The following PLCB1 variants were observed in gnomAD, a reference collection of about 807,000 sequenced individuals.
PLCB1 encodes phospholipase C beta 1.
In PLCB1, 46 loss-of-function variants were observed where a neutral mutation model predicts 161.8. The observed-to-expected ratio is 0.28, with a 90% CI of 0.22 to 0.36. The LOEUF (loss-of-function observed/expected upper bound fraction) is 0.36, where lower values mean the gene tolerates loss of function less well. Among genes scored for constraint, PLCB1 ranks in the 10% least tolerant of loss-of-function variants. The probability of loss-of-function intolerance (pLI) is 1.00; values close to 1 mark genes in which losing one functional copy is unlikely to be tolerated. For missense variants in PLCB1, 1,016 were observed against 1,472.5 expected (o/e 0.69, Z 5.07); for synonymous variants, 517 against 503.7 (o/e 1.03, Z -0.35).
intron 2 of PLCB1, among the ~76,000 whole-genome samples, chr20:8,237,068 C>T (rs983428714): frequency 2.6e-5 from 4 of 152,006 alleles, no homozygotes; most frequent in Non-Finnish European, 5.9e-5. Context: ...ATATTTATCA[C>T]AAGCATGAAA....
intron 2 of PLCB1, among the ~76,000 whole-genome samples, chr20:8,293,187 G>GT (rs1983464486): frequency 6.6e-6 from 1 of 152,070 alleles, no homozygotes; most frequent in South Asian, 2.1e-4. Context: ...GTTTTGCTTG[G>GT]TAGCTTGCAT....
At position 8,529,587 on chromosome 20, in the gene PLCB1, A is replaced by G. The variant is rs1484225859; in HGVS notation, c.247-98707A>G. On this transcript the variant is annotated intron_variant, in intron 3 of 31. Transcript: ENST00000338037. ...GGGTTTGAAGGAATGAGAACTGGGT[A>G]GTTGTGTTGCTGGTCATTTTAACGT... Among the ~76,000 whole-genome samples the G allele has an allele frequency of 2.6e-5, 4 of 151,834 alleles. No homozygotes were observed. In the Admixed American group the frequency reaches 2.6e-4, roughly 10 times the overall value.
At chr20:8,158,220 C>T (rs563801360) in intron 2 of PLCB1, among the ~76,000 whole-genome samples, 105 of 152,276 alleles carry the variant, frequency 6.9e-4, no homozygotes, top group African/African-American at 2.3e-3. Context: ...CAAATAGAAT[C>T]CCCGGGTACT....
chr20:8,316,697 A>G (rs1984671460), intron 2 of PLCB1, among the ~76,000 whole-genome samples: 1 of 152,152 alleles, frequency 6.6e-6, no homozygotes, highest in Non-Finnish European at 1.5e-5. Flanking sequence ...CAGTGATATA[A>G]CTGCCATGAC....
intron 10 of PLCB1, among the ~76,000 whole-genome samples, chr20:8,695,590 T>G (rs1990567582): frequency 6.6e-6 from 1 of 152,220 alleles, no homozygotes; most frequent in East Asian, 1.9e-4. Flanking sequence ...TGGTCCCAGT[T>G]ACTTAGGAGG....
At chr20:8,205,392 A>G (rs1978471486) in intron 2 of PLCB1, among the ~76,000 whole-genome samples, 1 of 152,218 alleles carries the variant, frequency 6.6e-6, no homozygotes, top group Admixed American at 6.5e-5. Flanking sequence ...ATTTATTGAA[A>G]ACACTGAGAA....
intron 9 of PLCB1, among the ~76,000 whole-genome samples, chr20:8,668,833 T>C (rs1989878479): frequency 1.3e-5 from 2 of 152,188 alleles, no homozygotes; most frequent in African/African-American, 4.8e-5. Context: ...AGCAAAACAC[T>C]ATTCACGATA....
In PLCB1 at chr20:8,658,608, C is replaced by A; in HGVS notation, c.766C>A (p.Pro256Thr). The change falls in exon 9 of 32, where the codon CCT (proline) becomes ACT (threonine). Residue 256 changes from proline to threonine, a missense_variant. Physicochemically the swap from Pro to Thr is conservative, Grantham distance 38 (BLOSUM62 -1). Coordinates refer to ENST00000338037, the MANE Select transcript of PLCB1 (RefSeq NM_015192.4). ...TTTTATCAACCTTAAGCAGCGAGAT[C>A]CTCGGCTTAATGAAATACTTTATCC... is the stretch of plus-strand genomic sequence containing the variant. ...MDFINLKQRD[P>T]RLNEILYPPL... is the part of the protein sequence containing the mutation. 1 of 1,612,592 alleles carries A rather than the reference C, an allele frequency of 6.2e-7. No homozygotes were observed. The highest frequency in any genetic ancestry group is 8.5e-7 in the Non-Finnish European group (1 of 1,178,948).
intron 31 of PLCB1, among the ~76,000 whole-genome samples, chr20:8,794,247 C>T (rs1008008471): frequency 1.3e-5 from 2 of 152,158 alleles, no homozygotes; most frequent in African/African-American, 4.8e-5. Flanking sequence ...AAAATAAAGA[C>T]AGGCATAGGA....
At chr20:8,560,927 G>T (rs948304334) in intron 3 of PLCB1, among the ~76,000 whole-genome samples, 1 of 151,970 alleles carries the variant, frequency 6.6e-6, no homozygotes, top group South Asian at 2.1e-4. Context: ...ACTGAGGAAA[G>T]ATAACAAGAA....
chr20:8,457,680 A>C (rs1472661527), intron 3 of PLCB1, among the ~76,000 whole-genome samples: 1 of 151,390 alleles, frequency 6.6e-6, no homozygotes, highest in African/African-American at 2.4e-5. Flanking sequence ...CTTTATTCAA[A>C]GTCATCTCCT....
intron 3 of PLCB1, among the ~76,000 whole-genome samples, chr20:8,576,902 A>T (rs1054241986): frequency 6.6e-6 from 1 of 152,148 alleles, no homozygotes. Context: ...TCTACGTGTG[A>T]TGGTGAGACC....
chr20:8,830,375 G>A (rs1298357190), intron 31 of PLCB1, among the ~76,000 whole-genome samples: 1 of 152,236 alleles, frequency 6.6e-6, no homozygotes, highest in African/African-American at 2.4e-5. Context: ...CATTGAGAGG[G>A]CATGCTCCAG....
At chr20:8,684,811 C>T in intron 9 of PLCB1, 121 bp from the exon 10 acceptor site, 1 of 621,534 alleles carries the variant, frequency 1.6e-6, no homozygotes, top group South Asian at 2.4e-5. Context: ...CTTATTTATC[C>T]ATACTAAAAT....
intron 3 of PLCB1, among the ~76,000 whole-genome samples, chr20:8,584,208 T>G (rs16994945): frequency 0.12 from 18,244 of 152,044 alleles, 1,188 homozygotes; most frequent in South Asian, 0.15. Context: ...GGTGGCAAAA[T>G]TTGATCATAT....
intron 3 of PLCB1, among the ~76,000 whole-genome samples, chr20:8,542,565 G>A (rs1013616042): frequency 6.6e-6 from 1 of 152,120 alleles, no homozygotes; most frequent in Non-Finnish European, 1.5e-5. Context: ...AAAAGCTCTT[G>A]ACTAGAAATG....
At chr20:8,672,836 G>T (rs1274167301) in intron 9 of PLCB1, among the ~76,000 whole-genome samples, 1 of 152,192 alleles carries the variant, frequency 6.6e-6, no homozygotes, top group South Asian at 2.1e-4. Flanking sequence ...ATTCAGCTGG[G>T]CACGGTGGCT....
chr20:8,733,623 A>C (rs1370977118), intron 19 of PLCB1, among the ~76,000 whole-genome samples: 3 of 146,150 alleles, frequency 2.1e-5, no homozygotes, highest in South Asian at 2.1e-4. Context: ...GGAACATCAC[A>C]CTCTGGGGAC....
At chr20:8,364,056 T>A (rs1275591542) in intron 2 of PLCB1, among the ~76,000 whole-genome samples, 1 of 152,156 alleles carries the variant, frequency 6.6e-6, no homozygotes, top group African/African-American at 2.4e-5. Context: ...CAATAATAAT[T>A]TCTCAGTTTT....
Sources: gnomAD v4.1 joint callset for allele counts (sites outside exome capture counted in the v4.1 genomes callset) on GRCh38, gnomAD v4.1.1 for gene constraint, MANE v1.5 for transcripts, NCBI Gene and HGNC (gene_info 2026-07-23, HGNC 2026-07-21) for gene names.